The following CALN1 variants were observed in gnomAD, a reference collection of about 807,000 sequenced individuals.
CALN1 encodes calneuron 1, also known as calcium-binding protein 8.
Under a neutral mutation model 30.6 loss-of-function variants are expected in CALN1, and 17 were observed. The observed-to-expected ratio is 0.56, with a 90% CI of 0.38 to 0.83. The LOEUF (loss-of-function observed/expected upper bound fraction) is 0.83, where lower values mean the gene tolerates loss of function less well. Ranked by LOEUF, CALN1 falls within the 40% of genes least tolerant of loss-of-function variation. The pLI, the probability that CALN1 is intolerant of heterozygous loss-of-function variation, is 0.00. For synonymous variants in CALN1, 156 were observed against 131.4 expected (o/e 1.19, Z -1.28); for missense variants, 291 against 354.9 (o/e 0.82, Z 1.45).
intron 2 of CALN1, among the ~76,000 whole-genome samples, chr7:72,279,459 A>G (rs1229131804): frequency 3.3e-5 from 5 of 152,178 alleles, no homozygotes; most frequent in Non-Finnish European, 7.3e-5. Context: ...CCTGCTGGAA[A>G]CAGGAGTGAC....
chr7:72,455,321 ATGTGTGTGTGTGTGTGTG>A, the CALN1 span, among the ~76,000 whole-genome samples: 578 of 138,850 alleles, frequency 4.2e-3, 4 homozygotes, highest in African/African-American at 0.014. Context: ...ATATATATAT[ATGTGTGTGTGTGTGTGTG>A]TGTGTGTGTG....
chr7:72,187,171 G>A (rs1007288410), intron 3 of CALN1, among the ~76,000 whole-genome samples: 4 of 151,792 alleles, frequency 2.6e-5, no homozygotes, highest in African/African-American at 9.7e-5. Context: ...TGTTTTTTGT[G>A]GGAAAAACAG....
At chr7:72,156,651 C>T (rs1003251298) in intron 3 of CALN1, among the ~76,000 whole-genome samples, 1 of 152,186 alleles carries the variant, frequency 6.6e-6, no homozygotes, top group Non-Finnish European at 1.5e-5. Context: ...GCTGGGCATC[C>T]CAACACATTG....
intron 3 of CALN1, among the ~76,000 whole-genome samples, chr7:72,264,405 A>C (rs1050602932): frequency 6.6e-6 from 1 of 152,214 alleles, no homozygotes; most frequent in Non-Finnish European, 1.5e-5. Context: ...ATATCTTCAA[A>C]AAAGGACAAA....
chr7:72,254,364 T>G (rs745753423), intron 3 of CALN1, among the ~76,000 whole-genome samples: 5 of 152,122 alleles, frequency 3.3e-5, no homozygotes, highest in Non-Finnish European at 7.4e-5. Flanking sequence ...ATTGTTTGAG[T>G]GTACTTGATT....
chr7:72,156,223 C>CA (rs371452559), intron 3 of CALN1, among the ~76,000 whole-genome samples: 13 of 151,790 alleles, frequency 8.6e-5, no homozygotes, highest in Non-Finnish European at 1.8e-4. Context: ...CATGTTTAAG[C>CA]AAAAAAATGG....
intron 3 of CALN1, among the ~76,000 whole-genome samples, chr7:72,188,341 C>CAT (rs775470088): frequency 1.6e-4 from 24 of 151,976 alleles, no homozygotes; most frequent in African/African-American, 4.8e-4. Flanking sequence ...TTTATATACA[C>CAT]ATATATATAT....
chr7:71,979,286 T>G (rs1228279987), intron 5 of CALN1, among the ~76,000 whole-genome samples: 1 of 152,188 alleles, frequency 6.6e-6, no homozygotes, highest in Non-Finnish European at 1.5e-5. Flanking sequence ...TTACTTCTAT[T>G]ATTATTAGAT....
intron 2 of CALN1, among the ~76,000 whole-genome samples, chr7:72,294,319 T>A (rs551246718): frequency 6.6e-6 from 1 of 152,108 alleles, no homozygotes; most frequent in Non-Finnish European, 1.5e-5. Context: ...CTAAAAAACA[T>A]TGAAGTACAG....
chr7:71,847,066 C>G (rs1790307023), intron 5 of CALN1, among the ~76,000 whole-genome samples: 1 of 151,150 alleles, frequency 6.6e-6, no homozygotes, highest in Non-Finnish European at 1.5e-5. Context: ...AGCTAGAGAC[C>G]CAAGAGAGCT....
chr7:72,053,783 AC>A (rs71531781), intron 4 of CALN1, among the ~76,000 whole-genome samples: 212 of 143,012 alleles, frequency 1.5e-3, no homozygotes, highest in African/African-American at 5.0e-3. Flanking sequence ...TTTATCCCTC[AC>A]CCCCCTCCCA....
chr7:72,274,531 C>T (rs1046294562), intron 3 of CALN1, among the ~76,000 whole-genome samples: 22 of 151,232 alleles, frequency 1.5e-4, no homozygotes, highest in East Asian at 1.9e-4. Context: ...GATAGTATCA[C>T]GAGATTATTC....
intron 6 of CALN1, among the ~76,000 whole-genome samples, chr7:71,790,408 GAAAGAAAGAAAGA>G (rs1325898352): frequency 4.4e-5 from 6 of 136,102 alleles, no homozygotes; most frequent in African/African-American, 1.6e-4. Context: ...AAGAAAGAAA[GAAAGAAAGAAAGA>G]AAGAAGCAAG....
chr7:71,825,906 G>A (rs142522724), intron 5 of CALN1, among the ~76,000 whole-genome samples: 439 of 151,704 alleles, frequency 2.9e-3, no homozygotes, highest in African/African-American at 9.9e-3. Context: ...GGTGGCAGGC[G>A]CCTGTGATCC....
chr7:72,164,608 T>A (rs1480845136), intron 3 of CALN1, among the ~76,000 whole-genome samples: 1 of 152,190 alleles, frequency 6.6e-6, no homozygotes, highest in Non-Finnish European at 1.5e-5. Context: ...GACACTGTTT[T>A]AAGCCACTCA....
intron 4 of CALN1, among the ~76,000 whole-genome samples, chr7:72,090,925 T>C (rs1411908381): frequency 6.6e-6 from 1 of 151,968 alleles, no homozygotes; most frequent in Non-Finnish European, 1.5e-5. Context: ...GGGGCAAGGA[T>C]GGGTAGTGGG....
intron 4 of CALN1, among the ~76,000 whole-genome samples, chr7:72,099,465 T>G (rs1051487052): frequency 2.0e-5 from 3 of 151,956 alleles, no homozygotes; most frequent in Non-Finnish European, 4.4e-5. Context: ...AATCTTTTTT[T>G]TTTTTTTCTT....
At chr7:71,963,854 CA>C (rs1162958228) in intron 5 of CALN1, among the ~76,000 whole-genome samples, 1 of 152,138 alleles carries the variant, frequency 6.6e-6, no homozygotes, top group African/African-American at 2.4e-5. Context: ...AACTGAGGCA[CA>C]AAAATTAAGT....
At position 72,196,993 on chromosome 7, in the gene CALN1, T is replaced by C. The variant is rs1340714787; in HGVS notation, c.244+81693A>G. 2.0e-5 allele frequency among the ~76,000 whole-genome samples: 3 copies of C among 152,240 alleles called. No individual in the cohort carries two copies. The East Asian group carries it at 5.8e-4, about 29-fold the overall frequency. ...AAATGAGGGATAGTCTGAAAAACTC[T>C]CTAGAGAAATGAGTTTATTTTCTTT... On this transcript the variant is annotated intron_variant, in intron 3 of 6. Coordinates refer to ENST00000395275, the MANE Select transcript of CALN1 (RefSeq NM_031468.4).
Sources: gnomAD v4.1 joint callset for allele counts (sites outside exome capture counted in the v4.1 genomes callset) on GRCh38, gnomAD v4.1.1 for gene constraint, MANE v1.5 for transcripts, NCBI Gene and HGNC (gene_info 2026-07-23, HGNC 2026-07-21) for gene names.